Variants in RANBP17 observed in about 807,000 individuals in gnomAD.
RANBP17 encodes the protein ran-binding protein 17.
RANBP17 carries 158 observed loss-of-function variants against 141.2 expected under a neutral mutation model. The observed-to-expected ratio is 1.12, with a 90% CI of 0.98 to 1.28. The LOEUF is 1.28. Among genes scored for constraint, RANBP17 ranks in the 50% most tolerant of loss-of-function variants. The pLI, the probability that RANBP17 is intolerant of heterozygous loss-of-function variation, is 0.00. For synonymous variants in RANBP17, 430 were observed against 450.0 expected, an observed-to-expected ratio of 0.96 and a Z score of 0.56; for missense variants, 1,438 against 1,290.7, an observed-to-expected ratio of 1.11 and a Z score of -1.75.
At chr5:171,005,408 GGAACA>G (rs1779525482) in intron 14 of RANBP17, among the ~76,000 whole-genome samples, 1 of 152,122 alleles carries the variant, frequency 6.6e-6, no homozygotes, top group Non-Finnish European at 1.5e-5. Context: ...ATAGACCAAT[GGAACA>G]GAACAGAGCC....
chr5:171,030,593 A>G (rs1562004409), intron 14 of RANBP17, among the ~76,000 whole-genome samples: 1 of 152,012 alleles, frequency 6.6e-6, no homozygotes, highest in Non-Finnish European at 1.5e-5. Context: ...AGGTTCCTGT[A>G]TGTGCATTGT....
chr5:171,252,004 G>C, intron 24 of RANBP17: 1 of 1,608,978 alleles, frequency 6.2e-7, no homozygotes, highest in South Asian at 1.1e-5. Flanking sequence ...TCCATTTCGG[G>C]AAACAGTTCT....
At chr5:170,956,832 G>A (rs1775739321) in intron 13 of RANBP17, among the ~76,000 whole-genome samples, 1 of 151,638 alleles carries the variant, frequency 6.6e-6, no homozygotes, top group African/African-American at 2.4e-5. Context: ...AGCACTTTGG[G>A]AGGCCAAGGT....
At chr5:171,212,996 G>A (rs1426895236) in intron 20 of RANBP17, among the ~76,000 whole-genome samples, 1 of 152,130 alleles carries the variant, frequency 6.6e-6, no homozygotes, top group Non-Finnish European at 1.5e-5. Context: ...ACTATCTTTA[G>A]TGACACTGAT....
intron 2 of RANBP17, among the ~76,000 whole-genome samples, chr5:170,881,423 G>A (rs1768678015): frequency 6.6e-6 from 1 of 152,150 alleles, no homozygotes; most frequent in Non-Finnish European, 1.5e-5. Flanking sequence ...GAACCTAAAG[G>A]CTGTCATGGT....
chr5:171,245,806 A>G (rs1049920332), intron 24 of RANBP17, among the ~76,000 whole-genome samples: 4 of 151,960 alleles, frequency 2.6e-5, no homozygotes, highest in Admixed American at 2.6e-4. Flanking sequence ...TCCAGCTTGT[A>G]ATCTTCAGGA....
At chr5:170,906,228 T>C (rs1771066689) in intron 5 of RANBP17, among the ~76,000 whole-genome samples, 3 of 152,096 alleles carry the variant, frequency 2.0e-5, no homozygotes, top group Non-Finnish European at 4.4e-5. Context: ...AGAACCAGTT[T>C]AGGATTATAT....
intron 14 of RANBP17, among the ~76,000 whole-genome samples, chr5:171,096,937 G>A (rs917840673): frequency 5.3e-5 from 8 of 152,112 alleles, no homozygotes; most frequent in African/African-American, 1.7e-4. Context: ...TTTAGTACAA[G>A]AAGGATTATA....
At chr5:171,069,148 C>T (rs1784491235) in intron 14 of RANBP17, among the ~76,000 whole-genome samples, 1 of 152,158 alleles carries the variant, frequency 6.6e-6, no homozygotes, top group Admixed American at 6.5e-5. Flanking sequence ...ACAGAGGCCT[C>T]CAGGAAATCT....
At chr5:170,881,998 AT>A in intron 3 of RANBP17, 102 bp downstream of exon 3, 1 of 660,428 alleles carries the variant, frequency 1.5e-6, no homozygotes, top group Admixed American at 3.2e-5. Flanking sequence ...TATGTCTGTC[AT>A]TTTTAAAAAC....
intron 14 of RANBP17, among the ~76,000 whole-genome samples, chr5:170,978,052 T>G (rs1368117112): frequency 6.6e-6 from 1 of 152,032 alleles, no homozygotes; most frequent in African/African-American, 2.4e-5. Flanking sequence ...GGCAGAAGAT[T>G]TCAACAAGCA....
intron 14 of RANBP17, among the ~76,000 whole-genome samples, chr5:170,993,873 A>G (rs1446810435): frequency 2.0e-5 from 3 of 152,112 alleles, no homozygotes; most frequent in Non-Finnish European, 4.4e-5. Context: ...GAATTTAACA[A>G]GTTAACAGCA....
At chr5:170,874,566 T>G (rs1768009968) in intron 1 of RANBP17, among the ~76,000 whole-genome samples, 1 of 152,230 alleles carries the variant, frequency 6.6e-6, no homozygotes, top group African/African-American at 2.4e-5. Context: ...ATTGTTCCCT[T>G]TATCATTATG....
At chr5:170,884,895 T>G (rs978027716) in intron 3 of RANBP17, among the ~76,000 whole-genome samples, 2 of 105,688 alleles carry the variant, frequency 1.9e-5, no homozygotes, top group African/African-American at 5.5e-5. Flanking sequence ...TCAGAAGCAC[T>G]CATCTCCATA....
chr5:171,201,736 C>T (rs1020726456), intron 19 of RANBP17, among the ~76,000 whole-genome samples: 6 of 152,112 alleles, frequency 3.9e-5, no homozygotes, highest in Non-Finnish European at 7.4e-5. Context: ...TTTAAGCTAC[C>T]GATAAAAAAC....
At chr5:171,225,104 T>C (rs987332490) in intron 22 of RANBP17, among the ~76,000 whole-genome samples, 1 of 152,202 alleles carries the variant, frequency 6.6e-6, no homozygotes, top group African/African-American at 2.4e-5. Flanking sequence ...TTGCCAAATA[T>C]TACATAGCTA....
At chr5:171,050,346 G>T (rs1325202094) in intron 14 of RANBP17, among the ~76,000 whole-genome samples, 2 of 152,146 alleles carry the variant, frequency 1.3e-5, no homozygotes, top group Admixed American at 1.3e-4. Context: ...AAAGTAGAAT[G>T]TAAGTCCCCT....
intron 20 of RANBP17, among the ~76,000 whole-genome samples, chr5:171,208,602 T>C (rs553812628): frequency 6.6e-6 from 1 of 152,332 alleles, no homozygotes; most frequent in African/African-American, 2.4e-5. Flanking sequence ...TTGAACTCAC[T>C]GATTTTTAAT....
intron 25 of RANBP17, among the ~76,000 whole-genome samples, chr5:171,274,149 T>TGTGTGTGCGCGC (rs34291143): frequency 3.2e-5 from 4 of 126,772 alleles, no homozygotes; most frequent in East Asian, 2.2e-4. Flanking sequence ...TGTGTGTGTG[T>TGTGTGTGCGCGC]GCGCGCGCGC....
Sources: gnomAD v4.1 joint callset for allele counts (sites outside exome capture counted in the v4.1 genomes callset) on GRCh38, gnomAD v4.1.1 for gene constraint, MANE v1.5 for transcripts, NCBI Gene and HGNC (gene_info 2026-07-23, HGNC 2026-07-21) for gene names.